Variants in NVL observed in about 807,000 individuals in gnomAD.
The protein encoded by NVL is nuclear valosin-containing protein-like.
In NVL, 84 loss-of-function variants were observed where a neutral mutation model predicts 110.2. The ratio of observed to expected loss-of-function variants is 0.76; its 90% CI spans 0.64 to 0.91. The LOEUF (loss-of-function observed/expected upper bound fraction) is 0.91. Ranked by LOEUF, NVL falls within the 40% of genes least tolerant of loss-of-function variation. The pLI, the probability that NVL is intolerant of heterozygous loss-of-function variation, is 0.00. For synonymous variants in NVL, 354 were observed against 361.1 expected, an observed-to-expected ratio of 0.98 and a Z score of 0.22; for missense variants, 882 against 1,035.9, an observed-to-expected ratio of 0.85 and a Z score of 2.04.
At chr1:224,321,369 T>C (rs762965244) in intron 2 of NVL, among the ~76,000 whole-genome samples, 1 of 152,150 alleles carries the variant, frequency 6.6e-6, no homozygotes, top group Non-Finnish European at 1.5e-5. Context: ...AGGGCCATAG[T>C]TTGCCAACAC....
intron 19 of NVL, among the ~76,000 whole-genome samples, chr1:224,247,702 G>C (rs901202485): frequency 6.6e-6 from 1 of 151,916 alleles, no homozygotes; most frequent in Non-Finnish European, 1.5e-5. Flanking sequence ...GTAGAGACAG[G>C]GTCTCACTCT....
At chr1:224,241,018 T>TA (rs1661139247) in intron 19 of NVL, among the ~76,000 whole-genome samples, 3 of 152,056 alleles carry the variant, frequency 2.0e-5, no homozygotes, top group African/African-American at 7.2e-5. Flanking sequence ...CTCAAACTCC[T>TA]GACCTGGTGA....
chr1:224,328,277 T>C (rs568031262), intron 1 of NVL, among the ~76,000 whole-genome samples: 1 of 152,176 alleles, frequency 6.6e-6, no homozygotes, highest in Non-Finnish European at 1.5e-5. Flanking sequence ...CCCAGCACTT[T>C]GGGAGGCTGA....
chr1:224,255,632 A>G (rs1240707200), intron 18 of NVL, among the ~76,000 whole-genome samples: 1 of 152,276 alleles, frequency 6.6e-6, no homozygotes, highest in African/African-American at 2.4e-5. Context: ...CTGGCCTCGA[A>G]GTGCTGAGCT....
intron 9 of NVL, among the ~76,000 whole-genome samples, chr1:224,301,156 C>T (rs1454362628): frequency 6.6e-6 from 1 of 151,792 alleles, no homozygotes; most frequent in Non-Finnish European, 1.5e-5. Context: ...AAGTGGATAC[C>T]TTCAACTTGT....
chr1:224,244,558 A>G (rs12138866), intron 19 of NVL, among the ~76,000 whole-genome samples: 5,850 of 134,374 alleles, frequency 0.044, 133 homozygotes, highest in Middle Eastern at 0.057. Flanking sequence ...TGCAACCTCC[A>G]CCTCTCTGCT....
At chr1:224,264,790 G>A (rs1664328083) in intron 18 of NVL, among the ~76,000 whole-genome samples, 1 of 152,018 alleles carries the variant, frequency 6.6e-6, no homozygotes, top group Non-Finnish European at 1.5e-5. Flanking sequence ...ACTCAGGCTG[G>A]AGTGCAGTGG....
intron 21 of NVL, among the ~76,000 whole-genome samples, chr1:224,231,635 A>T (rs993500982): frequency 7.9e-5 from 12 of 152,200 alleles, no homozygotes; most frequent in African/African-American, 2.9e-4. Context: ...AGGATTCCAT[A>T]GTATTAATAT....
chr1:224,323,042 A>G (rs146742907), intron 2 of NVL, among the ~76,000 whole-genome samples: 35 of 152,284 alleles, frequency 2.3e-4, no homozygotes, highest in South Asian at 1.5e-3. Context: ...AGTTATATAC[A>G]CACAGAGAGA....
intron 10 of NVL, among the ~76,000 whole-genome samples, 192 bp from the exon 11 acceptor site, chr1:224,296,810 G>C (rs1667927710): frequency 6.6e-6 from 1 of 152,138 alleles, no homozygotes; most frequent in Non-Finnish European, 1.5e-5. Flanking sequence ...ATGATTAGAA[G>C]TACACAGTAA....
chr1:224,259,825 T>C (rs1303525495), intron 18 of NVL, among the ~76,000 whole-genome samples: 1 of 151,116 alleles, frequency 6.6e-6, no homozygotes, highest in East Asian at 1.9e-4. Context: ...CAGCTAACTT[T>C]TTTTTTTTTT....
chr1:224,308,057 T>C lies in NVL; in HGVS notation c.549A>G (p.Lys183=). Reference sequence around the variant, plus strand: ...ATGACAGGTCCAAGAAAAAACTGTCTTTCTTTACACTTGGGGTTTTGTCAA... The same window carrying C: ...ATGACAGGTCCAAGAAAAAACTGTCCTTCTTTACACTTGGGGTTTTGTCAA... ...WFIDKTPSVK[K]DSFFLDLSCE... is the part of the protein sequence containing the mutation. Residue 183 remains lysine (K), a synonymous_variant, in exon 6 of 23, where the codon AAA becomes AAG. Transcript: ENST00000281701. 1 of 1,597,708 alleles carries C rather than the reference T, an allele frequency of 6.3e-7. No homozygotes were observed. Among genetic ancestry groups the C allele is most frequent in the African/African-American group, 1.3e-5 (1 of 74,378 alleles).
intron 16 of NVL, among the ~76,000 whole-genome samples, chr1:224,278,254 C>T (rs1388397232): frequency 1.9e-5 from 2 of 105,794 alleles, no homozygotes; most frequent in African/African-American, 7.9e-5. Flanking sequence ...TTTTTTGAGG[C>T]GGAGTCTCAC....
At chr1:224,295,437 T>C (rs1667785975) in intron 11 of NVL, among the ~76,000 whole-genome samples, 1 of 152,002 alleles carries the variant, frequency 6.6e-6, no homozygotes, top group African/African-American at 2.4e-5. Context: ...CCTGACCTCC[T>C]GATCCACCCA....
chr1:224,264,001 C>T (rs747366182), intron 18 of NVL, among the ~76,000 whole-genome samples: 2 of 152,046 alleles, frequency 1.3e-5, no homozygotes, highest in Non-Finnish European at 2.9e-5. Context: ...GGCGACAGAG[C>T]AAGATTCCGT....
intron 18 of NVL, among the ~76,000 whole-genome samples, chr1:224,261,769 T>C (rs1016914889): frequency 3.3e-5 from 5 of 151,722 alleles, no homozygotes; most frequent in South Asian, 2.1e-4. Context: ...CTGGGCAACA[T>C]AGTGAGACGT....
intron 4 of NVL, among the ~76,000 whole-genome samples, chr1:224,316,238 T>C (rs1404821624): frequency 2.6e-5 from 4 of 151,982 alleles, no homozygotes; most frequent in African/African-American, 7.3e-5. Context: ...TACATACTTA[T>C]CAATAAAAAG....
rs1670263991 is a variant in NVL at position 224,318,028 on chromosome 1, T to C, written c.132-98A>G. The C allele has an allele frequency of 3.8e-6, 3 of 785,044 alleles. No homozygotes were observed. In the Admixed American group the frequency reaches 8.4e-5, roughly 22 times the overall value. 48.6% of individuals were successfully genotyped at this position (785,044 alleles called of 1,614,324 possible). A position where few individuals can be genotyped will look rare whatever the true frequency, so the allele number is the denominator to read the frequency against. Reference sequence around the variant, plus strand: ...GATCAAATAAATTTTCATGAATATTTCATTGTTACAGTATAGACACTTGCC... The same window carrying C: ...GATCAAATAAATTTTCATGAATATTCCATTGTTACAGTATAGACACTTGCC... On this transcript the variant is annotated intron_variant, in intron 2 of 22. Transcript: ENST00000281701.
chr1:224,326,483 C>A lies in NVL; in HGVS notation c.58-19G>T, dbSNP rs780189221. The A allele has an allele frequency of 4.0e-5, 62 of 1,548,664 alleles. No homozygotes were observed. The highest frequency in any genetic ancestry group is 5.4e-5 in the Non-Finnish European group (61 of 1,123,986). On this transcript the variant is annotated intron_variant, in intron 1 of 22. Coordinates refer to ENST00000281701, the MANE Select transcript of NVL (RefSeq NM_002533.4). ...TAAGGTACTAAAACAGAAAATATAA[C>A]AAATACAAAACACCCAATATTTCAA...
Sources: allele counts gnomAD v4.1 joint callset (sites outside exome capture counted in the v4.1 genomes callset), GRCh38; gene constraint gnomAD v4.1.1; transcripts MANE v1.5; gene names NCBI Gene and HGNC (gene_info 2026-07-23, HGNC 2026-07-21).